The following CNIH3 variants were observed in gnomAD, a reference collection of about 807,000 sequenced individuals.
The protein encoded by CNIH3 is cornichon family AMPA receptor auxiliary protein 3, also known as protein cornichon homolog 3.
CNIH3 carries 14 observed loss-of-function variants against 24.1 expected under a neutral mutation model. The observed-to-expected ratio is 0.58, with a 90% confidence interval of 0.38 to 0.91. The LOEUF (loss-of-function observed/expected upper bound fraction) is 0.91, where lower values mean the gene tolerates loss of function less well. Ranked by LOEUF, CNIH3 falls within the 40% of genes least tolerant of loss-of-function variation. The probability of loss-of-function intolerance (pLI) is 0.00; values close to 1 mark genes in which losing one functional copy is unlikely to be tolerated. For missense variants in CNIH3, 178 were observed against 196.8 expected (o/e 0.90, Z 0.57); for synonymous variants, 68 against 73.8 (o/e 0.92, Z 0.40).
chr1:224,640,348 T>C (rs1684296579), intron 1 of CNIH3, among the ~76,000 whole-genome samples: 1 of 152,234 alleles, frequency 6.6e-6, no homozygotes, highest in Non-Finnish European at 1.5e-5. Flanking sequence ...GCTCTTGTGC[T>C]GTAGAGACGC....
chr1:224,554,862 C>T (rs1242410261), intron 3 of CNIH3, among the ~76,000 whole-genome samples: 1 of 152,186 alleles, frequency 6.6e-6, no homozygotes, highest in Non-Finnish European at 1.5e-5. Context: ...GCTGGGATTA[C>T]TGGCATGAGT....
Position 224,730,659 on chromosome 1 carries a change from G to A in CNIH3, c.311+85G>A, listed in dbSNP as rs1052537965. The A allele has an allele frequency of 2.1e-5, 16 of 760,346 alleles. No individual in the cohort carries two copies. The African/African-American group carries it at 2.8e-4, about 13-fold the overall frequency. 47.1% of individuals were successfully genotyped at this position (760,346 alleles called of 1,614,324 possible). ...AGTGATGATGTCACCCAAATAGACA[G>A]CTTCTATTGCCTTCCAATCATCCCT... is the stretch of plus-strand genomic sequence containing the variant. On this transcript the variant is annotated intron_variant, in intron 4 of 5. Coordinates refer to ENST00000272133, the MANE Select transcript of CNIH3 (RefSeq NM_152495.2).
At chr1:224,503,299 C>T (rs1677758531) in intron 1 of CNIH3, among the ~76,000 whole-genome samples, 1 of 152,204 alleles carries the variant, frequency 6.6e-6, no homozygotes, top group African/African-American at 2.4e-5. Context: ...GCAGAGTGTT[C>T]CACATCTCCT....
chr1:224,496,475 G>GGCAT (rs1243455791), intron 1 of CNIH3, among the ~76,000 whole-genome samples: 1 of 49,614 alleles, frequency 2.0e-5, no homozygotes, highest in East Asian at 5.8e-4. Flanking sequence ...AGAAACTGAA[G>GGCAT]CCTCCTGATT....
At chr1:224,620,639 A>G (rs866875381) in intron 1 of CNIH3, among the ~76,000 whole-genome samples, 31 of 152,342 alleles carry the variant, frequency 2.0e-4, no homozygotes, top group African/African-American at 6.3e-4. Context: ...TGAAAATACA[A>G]TGATTTGTAA....
At chr1:224,630,700 A>G (rs1274682478) in intron 1 of CNIH3, among the ~76,000 whole-genome samples, 2 of 152,156 alleles carry the variant, frequency 1.3e-5, no homozygotes, top group Non-Finnish European at 2.9e-5. Flanking sequence ...TTAATCACAC[A>G]TTTATTCAAC....
At chr1:224,572,436 A>G (rs1420970074) in intron 4 of CNIH3, among the ~76,000 whole-genome samples, 5 of 151,418 alleles carry the variant, frequency 3.3e-5, no homozygotes, top group African/African-American at 1.2e-4. Context: ...GAATCGCTTG[A>G]ATCTGGGAGG....
chr1:224,679,862 G>C (rs1686316118), intron 1 of CNIH3, among the ~76,000 whole-genome samples: 2 of 152,184 alleles, frequency 1.3e-5, no homozygotes, highest in South Asian at 4.1e-4. Context: ...GGACCCCTGG[G>C]ATGTGCCTTC....
intron 3 of CNIH3, among the ~76,000 whole-genome samples, chr1:224,714,215 T>G (rs1688308507): frequency 6.6e-6 from 1 of 152,230 alleles, no homozygotes; most frequent in African/African-American, 2.4e-5. Flanking sequence ...AAAGCAGCCT[T>G]TAGTTGGAAG....
At chr1:224,595,884 G>C (rs1681957775) in intron 3 of CNIH3, among the ~76,000 whole-genome samples, 1 of 152,238 alleles carries the variant, frequency 6.6e-6, no homozygotes, top group Admixed American at 6.5e-5. Flanking sequence ...AATTCTATGA[G>C]GGCTGAGAGA....
At chr1:224,570,125 A>T (rs1294702581) in intron 4 of CNIH3, among the ~76,000 whole-genome samples, 1 of 152,102 alleles carries the variant, frequency 6.6e-6, no homozygotes, top group Admixed American at 6.6e-5. Context: ...TGTTTCTTCT[A>T]CTCTAAAGAG....
intron 1 of CNIH3, among the ~76,000 whole-genome samples, chr1:224,630,194 T>A (rs1264012560): frequency 6.6e-6 from 1 of 152,190 alleles, no homozygotes; most frequent in Non-Finnish European, 1.5e-5. Context: ...ATTTTGTTAT[T>A]GTTCATTAAA....
rs938002338 is a variant in CNIH3, at chr1:224,704,523, C to G, written c.198+19680C>G. 3.3e-5 allele frequency among the ~76,000 whole-genome samples: 5 copies of G among 152,156 alleles called. No homozygotes were observed. Among genetic ancestry groups the G allele is most frequent in the African/African-American group, 7.2e-5 (3 of 41,406 alleles). On this transcript the variant is annotated intron_variant, in intron 3 of 5. Transcript: ENST00000272133. This position sits in a 1 kb window ranked among gnomAD's most constrained non-coding sequence, Gnocchi z 4.2. Reference sequence around the variant, plus strand: ...GGAAGAGCAGCACAATGAACACCCACGTAGCCTTCACCAAGATCCGCCGCT... The same window carrying G: ...GGAAGAGCAGCACAATGAACACCCAGGTAGCCTTCACCAAGATCCGCCGCT...
intron 1 of CNIH3, among the ~76,000 whole-genome samples, chr1:224,460,362 A>C (rs1675858907): frequency 6.6e-6 from 1 of 152,074 alleles, no homozygotes; most frequent in East Asian, 1.9e-4. Context: ...TCACCCACAA[A>C]AGTTTTCTTA....
chr1:224,651,308 G>A (rs1024581170), intron 1 of CNIH3, among the ~76,000 whole-genome samples: 13 of 152,162 alleles, frequency 8.5e-5, no homozygotes, highest in Admixed American at 3.3e-4. Context: ...CTACGTAGTG[G>A]TCACCTCTGT....
intron 1 of CNIH3, among the ~76,000 whole-genome samples, chr1:224,617,608 T>C (rs1683079353): frequency 6.6e-6 from 1 of 152,200 alleles, no homozygotes; most frequent in Non-Finnish European, 1.5e-5. Context: ...CCGCCGTCGG[T>C]CCCGGCAATT....
chr1:224,477,370 A>G lies in CNIH3; in HGVS notation n.204-38371A>G, dbSNP rs184430584. Reference sequence around the variant, plus strand: ...CTCCTAAGTCGAATTCTGAATTTCAAACAAATTCTTTAGGAGATTCTTCTG... The same window carrying G: ...CTCCTAAGTCGAATTCTGAATTTCAGACAAATTCTTTAGGAGATTCTTCTG... On this transcript the variant is annotated intron_variant and non_coding_transcript_variant, in intron 1 of 5. Coordinates refer to the CNIH3 transcript ENST00000471578. 3.9e-5 allele frequency among the ~76,000 whole-genome samples: 6 copies of G among 152,334 alleles called. No individual in the cohort carries two copies. In the East Asian group the frequency reaches 1.2e-3, roughly 29 times the overall value.
intron 3 of CNIH3, among the ~76,000 whole-genome samples, chr1:224,610,997 TGGCTGTTCAAA>T (rs1419645356): frequency 2.0e-5 from 3 of 152,162 alleles, no homozygotes; most frequent in Non-Finnish European, 4.4e-5. Flanking sequence ...AAACGTGAAC[TGGCTGTTCAAA>T]GGCTGCTCAA....
At chr1:224,589,769 G>A (rs1347527169), downstream of CNIH3, among the ~76,000 whole-genome samples, 4 of 152,232 alleles carry the variant, frequency 2.6e-5, no homozygotes, top group Non-Finnish European at 4.4e-5. Flanking sequence ...GAAAGGAAAA[G>A]TGGAGCCCAG....
Sources: allele counts gnomAD v4.1 joint callset (sites outside exome capture counted in the v4.1 genomes callset), GRCh38; gene constraint gnomAD v4.1.1; non-coding constraint Gnocchi (gnomAD v3.1); transcripts MANE v1.5; gene names NCBI Gene and HGNC (gene_info 2026-07-23, HGNC 2026-07-21).